Variants in MOK observed in about 807,000 individuals in gnomAD.
MOK encodes the protein MAPK/MAK/MRK overlapping kinase.
A neutral mutation model predicts 54.2 loss-of-function variants in MOK; 59 were observed. That is an observed-to-expected ratio of 1.09 (90% CI 0.88 to 1.35). MOK has a LOEUF of 1.35. Among genes scored for constraint, MOK ranks in the 40% most tolerant of loss-of-function variants. The probability of loss-of-function intolerance (pLI) is 0.00; values close to 1 mark genes in which losing one functional copy is unlikely to be tolerated. For missense variants in MOK, 517 were observed against 526.2 expected, an observed-to-expected ratio of 0.98 and a Z score of 0.17; for synonymous variants, 210 against 202.7, an observed-to-expected ratio of 1.04 and a Z score of -0.31.
intron 4 of MOK, among the ~76,000 whole-genome samples, chr14:102,255,413 G>A (rs541750354): frequency 5.3e-5 from 8 of 152,278 alleles, no homozygotes; most frequent in Admixed American, 3.9e-4. Flanking sequence ...CCAGGAATCT[G>A]TGCTTCTCAG....
At chr14:102,224,125 TCCGCCTCCCGGGTTCACGCCATTCTC>T (rs1567115500), downstream of MOK, among the ~76,000 whole-genome samples, 2 of 147,364 alleles carry the variant, frequency 1.4e-5, no homozygotes, top group Admixed American at 1.4e-4. Flanking sequence ...CACTGCAAGC[TCCGCCTCCCGGGTTCACGCCATTCTC>T]CCGCCTCAGC....
intron 1 of MOK, among the ~76,000 whole-genome samples, chr14:102,293,971 C>T (rs1258556475): frequency 1.3e-5 from 2 of 151,988 alleles, no homozygotes; most frequent in African/African-American, 2.4e-5. Context: ...TGTCTTAAAA[C>T]TACAATATCC....
chr14:102,227,972 T>C (rs2064322373), downstream of MOK, among the ~76,000 whole-genome samples: 1 of 152,152 alleles, frequency 6.6e-6, no homozygotes, highest in East Asian at 1.9e-4. Flanking sequence ...TTTGGGAAGA[T>C]GACAAAAAAG....
intron 7 of MOK, among the ~76,000 whole-genome samples, chr14:102,234,800 G>A (rs191216611): frequency 2.0e-4 from 30 of 152,220 alleles, no homozygotes; most frequent in Admixed American, 1.3e-3. Context: ...TTTCGATTCC[G>A]ACATGCTCAG....
chr14:102,287,198 G>A (rs1358597787), intron 1 of MOK, among the ~76,000 whole-genome samples: 1 of 152,192 alleles, frequency 6.6e-6, no homozygotes, highest in Non-Finnish European at 1.5e-5. Context: ...AGTGGGCGTG[G>A]TGGCTCACGC....
intron 7 of MOK, among the ~76,000 whole-genome samples, 193 bp downstream of exon 7, chr14:102,250,619 G>A (rs1297386865): frequency 6.6e-6 from 1 of 152,216 alleles, no homozygotes; most frequent in Non-Finnish European, 1.5e-5. Flanking sequence ...TCTTCTCTGG[G>A]AAGGGCAGGC....
At chr14:102,298,366 C>T (rs556256411) in intron 1 of MOK, among the ~76,000 whole-genome samples, 11 of 152,058 alleles carry the variant, frequency 7.2e-5, no homozygotes, top group Admixed American at 2.6e-4. Context: ...TTTGTAAACA[C>T]ACCAATCAGC....
Position 102,304,997 on chromosome 14 carries a change from T to C in MOK, c.-29A>G. The stretch of plus-strand genomic sequence containing the variant: ...GGATGCGGAAGCCGGTGACAACCCC[T>C]TGCCGACACTGGACGGAAAAGAAAG... On this transcript the variant is annotated 5_prime_UTR_variant, in exon 1 of 12. Coordinates refer to ENST00000361847, the MANE Select transcript of MOK (RefSeq NM_014226.3). 1.3e-6 allele frequency: 2 copies of C among 1,578,470 alleles called. No homozygotes were observed. Among genetic ancestry groups the C allele is most frequent in the African/African-American group, 1.4e-5 (1 of 72,968 alleles).
rs56108099 is a variant in MOK at position 102,286,912 on chromosome 14, AAAT to A, written c.8-3323_8-3321del. Among the ~76,000 whole-genome samples, 1,290 of 145,470 alleles carry A rather than the reference AAAT, an allele frequency of 8.9e-3. 7 individuals are homozygous for A. Among genetic ancestry groups the A allele is most frequent in the African/African-American group, 0.019 (745 of 39,216 alleles). ...GCAACAAAGTGAGACTCCGTCTCAA[AAAT>A]AATAATAATAATAATAATAATAATA... On this transcript the variant is annotated intron_variant, in intron 1 of 11. Coordinates refer to ENST00000361847, the MANE Select transcript of MOK (RefSeq NM_014226.3).
intron 1 of MOK, among the ~76,000 whole-genome samples, chr14:102,290,806 C>T (rs750283476): frequency 2.0e-5 from 3 of 152,228 alleles, no homozygotes; most frequent in Admixed American, 6.5e-5. Flanking sequence ...GAGTTAAATA[C>T]GGCAAAATGT....
At chr14:102,248,379 G>A (rs2066258891) in intron 7 of MOK, among the ~76,000 whole-genome samples, 1 of 150,104 alleles carries the variant, frequency 6.7e-6, no homozygotes. Context: ...AGGAGGTCGT[G>A]GGAAGCATAA....
chr14:102,231,619 G>T lies in MOK; in HGVS notation c.981+88C>A. 1 of 1,123,732 alleles carries T rather than the reference G, an allele frequency of 8.9e-7. No homozygotes were observed. The highest frequency in any genetic ancestry group is 1.3e-6 in the Non-Finnish European group (1 of 753,432). 69.6% of individuals were successfully genotyped at this position (1,123,732 alleles called of 1,614,324 possible). On this transcript the variant is annotated intron_variant, in intron 10 of 11. Transcript: ENST00000361847. The surrounding 1 kb of genome is among the most constrained non-coding windows in gnomAD (Gnocchi z 4.4). Reference sequence around the variant, plus strand: ...GTGGTCTGCCACAGCCTCCACAGGTGGCGTCCTCCTGAGAGAGACACAGGC... The same window carrying T: ...GTGGTCTGCCACAGCCTCCACAGGTTGCGTCCTCCTGAGAGAGACACAGGC...
chr14:102,221,148 A>G (rs2063844644), downstream of MOK, among the ~76,000 whole-genome samples: 1 of 152,094 alleles, frequency 6.6e-6, no homozygotes, highest in Non-Finnish European at 1.5e-5. This position sits in a 1 kb window ranked among gnomAD's most constrained non-coding sequence, Gnocchi z 4.8. Flanking sequence ...CTGGAGCAGC[A>G]CTCACCTCCA....
chr14:102,259,927 C>T (rs890662705), intron 4 of MOK, among the ~76,000 whole-genome samples: 1 of 152,142 alleles, frequency 6.6e-6, no homozygotes, highest in Non-Finnish European at 1.5e-5. Context: ...CCTGTAATCC[C>T]AGCACTTTGG....
At chr14:102,282,382 C>T (rs1191823961) in intron 2 of MOK, among the ~76,000 whole-genome samples, 1 of 151,810 alleles carries the variant, frequency 6.6e-6, no homozygotes, top group Non-Finnish European at 1.5e-5. Context: ...TTAATTTATT[C>T]ACAGTTAGTT....
At chr14:102,293,701 C>CAAAAAAAAAAAAAAAAAAAAAAA (rs10598736) in intron 1 of MOK, among the ~76,000 whole-genome samples, 9 of 54,608 alleles carry the variant, frequency 1.6e-4, no homozygotes, top group African/African-American at 2.9e-4. Flanking sequence ...AACTCCATCA[C>CAAAAAAAAAAAAAAAAAAAAAAA]AAAAAAAAAA....
rs573686030 is a variant in MOK, at chr14:102,249,228, T to A, written c.590+1584A>T. ...ACATTCCGTCATCTGTTCAGCATGA[T>A]GTCTGTGGTGAAATGTGACTAATTC... On this transcript the variant is annotated intron_variant, in intron 7 of 11. Coordinates refer to ENST00000361847, the MANE Select transcript of MOK (RefSeq NM_014226.3). The surrounding 1 kb of genome is among the most constrained non-coding windows in gnomAD (Gnocchi z 5.3). Among the ~76,000 whole-genome samples the A allele has an allele frequency of 6.6e-6, 1 of 152,238 alleles. No homozygotes were observed. Among genetic ancestry groups the A allele is most frequent in the Non-Finnish European group, 1.5e-5 (1 of 68,052 alleles).
chr14:102,237,206 C>A, intron 7 of MOK, among the ~76,000 whole-genome samples: 1 of 152,196 alleles, frequency 6.6e-6, no homozygotes, highest in African/African-American at 2.4e-5. Flanking sequence ...CTTCCTTAAA[C>A]CTTTTCCCTA....
intron 4 of MOK, among the ~76,000 whole-genome samples, chr14:102,260,903 C>T (rs2067333909): frequency 1.3e-5 from 2 of 151,950 alleles, no homozygotes; most frequent in Admixed American, 1.3e-4. Flanking sequence ...AGGCGGATCA[C>T]GAGGTCAAGG....
Sources: allele counts gnomAD v4.1 joint callset (sites outside exome capture counted in the v4.1 genomes callset), GRCh38; gene constraint gnomAD v4.1.1; non-coding constraint Gnocchi (gnomAD v3.1); transcripts MANE v1.5; gene names NCBI Gene and HGNC (gene_info 2026-07-23, HGNC 2026-07-21).